The following ERC1 variants were observed in gnomAD, a reference collection of about 807,000 sequenced individuals.
ERC1 encodes ELKS/RAB6-interacting/CAST family member 1.
A neutral mutation model predicts 132.0 loss-of-function variants in ERC1; 56 were observed. The ratio of observed to expected loss-of-function variants is 0.42; its 90% CI spans 0.34 to 0.53. The LOEUF (loss-of-function observed/expected upper bound fraction) is 0.53. ERC1 is among the 20% of genes least tolerant of loss of function. ERC1 has a pLI of 0.03. For synonymous variants in ERC1, 478 were observed against 476.1 expected (o/e 1.00, Z -0.05); for missense variants, 1,202 against 1,349.9 (o/e 0.89, Z 1.72).
intron 7 of ERC1, among the ~76,000 whole-genome samples, chr12:1,119,045 T>C (rs1431602977): frequency 6.6e-6 from 1 of 152,120 alleles, no homozygotes; most frequent in African/African-American, 2.4e-5. Flanking sequence ...ACCTGGCTAA[T>C]TTTTAAAACT....
intron 13 of ERC1, among the ~76,000 whole-genome samples, chr12:1,245,741 CTTT>C (rs1469784165): frequency 6.6e-6 from 1 of 152,172 alleles, no homozygotes; most frequent in Non-Finnish European, 1.5e-5. Context: ...ATTCTAAACA[CTTT>C]TTTGTCATTT....
chr12:1,438,971 A>ATATATATATATATATATATAT (rs879572392), intron 17 of ERC1, among the ~76,000 whole-genome samples: 4 of 144,428 alleles, frequency 2.8e-5, no homozygotes, highest in African/African-American at 1.1e-4. Flanking sequence ...ATATATATAT[A>ATATATATATATATATATATAT]AAAAATGACA....
At position 1,390,363 on chromosome 12, in the gene ERC1, A is replaced by G. The variant is rs1825511668; in HGVS notation, c.2926-17786A>G. Reference sequence around the variant, plus strand: ...AATTAAAATTTTAAAAAAATCAAGGATACAGTAAATACCAACTGTCTATTA... The same window carrying G: ...AATTAAAATTTTAAAAAAATCAAGGGTACAGTAAATACCAACTGTCTATTA... On this transcript the variant is annotated intron_variant, in intron 16 of 18. Coordinates refer to ENST00000360905, the MANE Select transcript of ERC1 (RefSeq NM_178040.4). Among the ~76,000 whole-genome samples, 3 of 152,314 alleles carry G rather than the reference A, an allele frequency of 2.0e-5. No individual in the cohort carries two copies. The South Asian group carries it at 6.2e-4, about 32-fold the overall frequency.
At chr12:1,293,381 A>G (rs1186664146) in intron 15 of ERC1, among the ~76,000 whole-genome samples, 1 of 144,342 alleles carries the variant, frequency 6.9e-6, no homozygotes, top group African/African-American at 2.6e-5. Context: ...TCAACCCAGG[A>G]GGCGGAGCTT....
intron 15 of ERC1, among the ~76,000 whole-genome samples, chr12:1,323,608 C>A (rs113551007): frequency 3.3e-5 from 5 of 152,258 alleles, no homozygotes; most frequent in African/African-American, 1.2e-4. Context: ...AGAATACATT[C>A]ACTTACATAT....
At position 1,150,492 on chromosome 12, in the gene ERC1, A is replaced by G. The variant is rs59128131; in HGVS notation, c.1737+8705A>G. 9.6e-3 allele frequency among the ~76,000 whole-genome samples: 1,468 copies of G among 152,290 alleles called. 20 individuals carry two copies. Among genetic ancestry groups the G allele is most frequent in the African/African-American group, 0.032 (1,342 of 41,560 alleles). On this transcript the variant is annotated intron_variant, in intron 8 of 18. Transcript: ENST00000360905. ...GTTTTGAGCAGGTATTACCATTTTT[A>G]TTTATTATTTATATTGCTTATTTTT...
intron 1 of ERC1, among the ~76,000 whole-genome samples, chr12:1,019,266 G>C (rs1206738684): frequency 6.6e-6 from 1 of 152,160 alleles, no homozygotes; most frequent in Non-Finnish European, 1.5e-5. Flanking sequence ...TGGGATTACA[G>C]GTGTATACCA....
At chr12:1,388,492 C>T (rs1055427994) in intron 16 of ERC1, among the ~76,000 whole-genome samples, 2 of 152,118 alleles carry the variant, frequency 1.3e-5, no homozygotes, top group African/African-American at 2.4e-5. Context: ...ACCAAGTCTG[C>T]ACTACTCCTG....
At chr12:1,139,117 G>A (rs1949631808) in intron 7 of ERC1, among the ~76,000 whole-genome samples, 1 of 152,144 alleles carries the variant, frequency 6.6e-6, no homozygotes, top group Non-Finnish European at 1.5e-5. Context: ...GTTACCTGTG[G>A]TCACCTGTGG....
At chr12:1,291,518 A>C (rs776740349) in intron 15 of ERC1, among the ~76,000 whole-genome samples, 7 of 152,204 alleles carry the variant, frequency 4.6e-5, no homozygotes, top group Admixed American at 2.0e-4. Context: ...AGAACTTGAG[A>C]GGCAGAAATA....
rs529022615 is a variant in ERC1 at position 1,130,808 on chromosome 12, C to A, written c.1570-10812C>A. On this transcript the variant is annotated intron_variant, in intron 7 of 18. Transcript: ENST00000360905. ...CCGTGTGGTCTGTAATGCTGTCAGTCCCATGGCTCAGTGCCCTTCACGTAG... is the reference window on the plus strand; with the variant it reads ...CCGTGTGGTCTGTAATGCTGTCAGTACCATGGCTCAGTGCCCTTCACGTAG... Among the ~76,000 whole-genome samples, 5 of 152,168 alleles carry A rather than the reference C, an allele frequency of 3.3e-5. No individual in the cohort carries two copies. In the South Asian group the frequency reaches 1.0e-3, roughly 32 times the overall value.
chr12:1,278,597 A>T (rs1471862924), intron 14 of ERC1, among the ~76,000 whole-genome samples: 1 of 152,222 alleles, frequency 6.6e-6, no homozygotes, highest in Admixed American at 6.5e-5. Context: ...GAATATTGAT[A>T]GATTAGAAAA....
chr12:1,453,934 T>G (rs981298930), intron 18 of ERC1, among the ~76,000 whole-genome samples: 7 of 151,938 alleles, frequency 4.6e-5, no homozygotes, highest in Non-Finnish European at 1.0e-4. Context: ...ATCCCCTGAG[T>G]GATGCGTGTT....
At chr12:1,387,206 T>C (rs183326568) in intron 16 of ERC1, among the ~76,000 whole-genome samples, 2 of 151,842 alleles carry the variant, frequency 1.3e-5, no homozygotes, top group African/African-American at 2.4e-5. Context: ...TCAGATTAAT[T>C]AGATGAGGAG....
At chr12:1,403,543 G>A (rs994269753) in intron 16 of ERC1, among the ~76,000 whole-genome samples, 5 of 152,114 alleles carry the variant, frequency 3.3e-5, no homozygotes, top group African/African-American at 7.2e-5. Flanking sequence ...ACTAGACCTA[G>A]GAACACTAAA....
At chr12:1,332,631 A>G (rs1211880213) in intron 15 of ERC1, among the ~76,000 whole-genome samples, 3 of 152,180 alleles carry the variant, frequency 2.0e-5, no homozygotes, top group Non-Finnish European at 4.4e-5. Context: ...TTTAGGATGG[A>G]TGGTGTGGAT....
intron 4 of ERC1, among the ~76,000 whole-genome samples, chr12:1,109,556 T>G (rs1181638118): frequency 1.3e-5 from 2 of 152,206 alleles, no homozygotes; most frequent in African/African-American, 4.8e-5. Context: ...GGAAATTTTT[T>G]TCACCAGAAA....
At chr12:1,134,839 C>T (rs1159251895) in intron 7 of ERC1, among the ~76,000 whole-genome samples, 1 of 151,812 alleles carries the variant, frequency 6.6e-6, no homozygotes, top group Admixed American at 6.6e-5. Context: ...AGTGATTCTC[C>T]TGCCTCAGCC....
At chr12:1,422,170 C>T (rs900847833) in intron 17 of ERC1, among the ~76,000 whole-genome samples, 3 of 152,226 alleles carry the variant, frequency 2.0e-5, no homozygotes, top group African/African-American at 4.8e-5. Flanking sequence ...ATCATTTTTG[C>T]TTCAAAGTTA....
Sources: gnomAD v4.1 joint callset for allele counts (sites outside exome capture counted in the v4.1 genomes callset) on GRCh38, gnomAD v4.1.1 for gene constraint, MANE v1.5 for transcripts, NCBI Gene and HGNC (gene_info 2026-07-23, HGNC 2026-07-21) for gene names.